Variants in PRDM16 observed in about 807,000 individuals in gnomAD.
PRDM16 encodes histone-lysine N-methyltransferase PRDM16.
In PRDM16, 23 loss-of-function variants were observed where a neutral mutation model predicts 110.6. The ratio of observed to expected loss-of-function variants is 0.21; its 90% CI spans 0.15 to 0.29. The LOEUF is 0.29. Among genes scored for constraint, PRDM16 ranks in the 10% least tolerant of loss-of-function variants. The pLI, the probability that PRDM16 is intolerant of heterozygous loss-of-function variation, is 1.00. For missense variants in PRDM16, 1,615 were observed against 1,794.3 expected (o/e 0.90, Z 1.81); for synonymous variants, 799 against 781.8 (o/e 1.02, Z -0.37).
intron 1 of PRDM16, among the ~76,000 whole-genome samples, chr1:3,123,395 G>T (rs1011226831): frequency 6.6e-6 from 1 of 152,268 alleles, no homozygotes; most frequent in Non-Finnish European, 1.5e-5. Context: ...CGTGCAGAGG[G>T]GGGTGTGGGT....
chr1:3,432,452 C>G (rs892971003), intron 16 of PRDM16, among the ~76,000 whole-genome samples: 2 of 152,202 alleles, frequency 1.3e-5, no homozygotes, highest in African/African-American at 4.8e-5. Flanking sequence ...GCCCGCCCAG[C>G]CGCCTTCGTC....
rs562707478 is a variant in PRDM16, at chr1:3,359,609, G to A, written c.439-25543G>A. 2.3e-4 allele frequency among the ~76,000 whole-genome samples: 35 copies of A among 152,258 alleles called. No homozygotes were observed. Among genetic ancestry groups the A allele is most frequent in the Non-Finnish European group, 3.2e-4 (22 of 68,018 alleles). ...TTCAGCCTCCCCTCCACCTGTCACC[G>A]TTGTTTATCCTCCTCAGCACTCACA... On this transcript the variant is annotated intron_variant, in intron 3 of 16. Transcript: ENST00000270722. This position sits in a 1 kb window ranked among gnomAD's most constrained non-coding sequence, Gnocchi z 4.3.
At chr1:3,427,994 C>T (rs983353159) in intron 14 of PRDM16, among the ~76,000 whole-genome samples, 9 of 152,206 alleles carry the variant, frequency 5.9e-5, no homozygotes, top group African/African-American at 1.7e-4. Flanking sequence ...CCCACAGCCC[C>T]GTCCCCAGGC....
intron 2 of PRDM16, among the ~76,000 whole-genome samples, chr1:3,196,479 C>A (rs1027986892): frequency 6.6e-6 from 1 of 152,232 alleles, no homozygotes; most frequent in Admixed American, 6.5e-5. Context: ...CCTTGTGGGG[C>A]CTGAGAATGC....
intron 3 of PRDM16, among the ~76,000 whole-genome samples, chr1:3,260,004 T>G (rs867720481): frequency 1.3e-5 from 2 of 152,234 alleles, no homozygotes; most frequent in Middle Eastern, 3.4e-3. Flanking sequence ...CCCCTGGTTT[T>G]CCAGCATCAC....
At chr1:3,321,303 T>C (rs1275948065) in intron 3 of PRDM16, among the ~76,000 whole-genome samples, 1 of 152,084 alleles carries the variant, frequency 6.6e-6, no homozygotes, top group East Asian at 1.9e-4. Context: ...CATATGTGAG[T>C]GTGTCCATTT....
chr1:3,410,672 CTG>C (rs1211109732), intron 8 of PRDM16, among the ~76,000 whole-genome samples: 3 of 152,174 alleles, frequency 2.0e-5, no homozygotes, highest in African/African-American at 4.8e-5. Context: ...ACTAGGAACA[CTG>C]TGAACTTCTA....
intron 3 of PRDM16, among the ~76,000 whole-genome samples, chr1:3,314,071 CG>C (rs747479644): frequency 0.011 from 1,063 of 100,346 alleles, 162 homozygotes; most frequent in African/African-American, 0.051. Flanking sequence ...CCTTCCCCAC[CG>C]GGGGGGGGGG....
intron 2 of PRDM16, among the ~76,000 whole-genome samples, chr1:3,196,129 C>T (rs1638468390): frequency 6.6e-6 from 1 of 151,828 alleles, no homozygotes; most frequent in African/African-American, 2.4e-5. Context: ...CAGCCAGGCT[C>T]TTGCCAGGTG....
intron 12 of PRDM16, among the ~76,000 whole-genome samples, chr1:3,422,694 G>C (rs1638473180): frequency 6.6e-6 from 1 of 152,254 alleles, no homozygotes; most frequent in East Asian, 1.9e-4. Context: ...GTCGGGTAGG[G>C]GGGCACCCAA....
rs1310848377 is a variant in PRDM16 at position 3,353,365 on chromosome 1, G to A, written c.439-31787G>A. Among the ~76,000 whole-genome samples the A allele has an allele frequency of 6.6e-6, 1 of 152,248 alleles. No homozygotes were observed. Among genetic ancestry groups the A allele is most frequent in the Non-Finnish European group, 1.5e-5 (1 of 68,048 alleles). ...ATGGCAGGGCCCTCATTGGGTGAGG[G>A]AGGCCCGGGGTATTTCTTGCCACAT... On this transcript the variant is annotated intron_variant, in intron 3 of 16. Coordinates refer to ENST00000270722, the MANE Select transcript of PRDM16 (RefSeq NM_022114.4). The surrounding 1 kb of genome is among the most constrained non-coding windows in gnomAD (Gnocchi z 5.4).
At chr1:3,271,516 C>CA (rs1297601754) in intron 3 of PRDM16, among the ~76,000 whole-genome samples, 1 of 152,188 alleles carries the variant, frequency 6.6e-6, no homozygotes, top group Non-Finnish European at 1.5e-5. Flanking sequence ...CTGCAGCGGA[C>CA]GTGGAAATTC....
chr1:3,356,226 C>T (rs1056380852), intron 3 of PRDM16, among the ~76,000 whole-genome samples: 1 of 152,212 alleles, frequency 6.6e-6, no homozygotes, highest in East Asian at 1.9e-4. Context: ...CTTGAGCAGG[C>T]CGACGTGTCT....
intron 3 of PRDM16, among the ~76,000 whole-genome samples, chr1:3,301,514 G>C (rs1259655645): frequency 6.6e-6 from 1 of 152,148 alleles, no homozygotes; most frequent in African/African-American, 2.4e-5. Context: ...GGTTGTCTTT[G>C]TATTTTTAAA....
chr1:3,249,536 T>C (rs1639877905), intron 3 of PRDM16, among the ~76,000 whole-genome samples: 1 of 133,830 alleles, frequency 7.5e-6, no homozygotes, highest in Non-Finnish European at 1.6e-5. Flanking sequence ...CCATGCACTT[T>C]ATTACCAAAA....
chr1:3,322,215 G>A (rs1358279787), intron 3 of PRDM16, among the ~76,000 whole-genome samples: 1 of 151,638 alleles, frequency 6.6e-6, no homozygotes, highest in Non-Finnish European at 1.5e-5. Flanking sequence ...GTGTGTGTGT[G>A]AGCATGTGCA....
intron 3 of PRDM16, among the ~76,000 whole-genome samples, chr1:3,365,235 C>T (rs79833039): frequency 0.022 from 3,358 of 152,260 alleles, 109 homozygotes; most frequent in African/African-American, 0.074. Flanking sequence ...CCTGTGCCGC[C>T]GTCCTCCTCT....
chr1:3,150,328 G>A (rs1643751665), intron 1 of PRDM16, among the ~76,000 whole-genome samples: 2 of 151,762 alleles, frequency 1.3e-5, no homozygotes, highest in South Asian at 4.2e-4. Context: ...GGCTAAGTTG[G>A]GCAGGTGACT....
At chr1:3,097,449 G>A (rs981734343) in intron 1 of PRDM16, among the ~76,000 whole-genome samples, 4 of 152,232 alleles carry the variant, frequency 2.6e-5, no homozygotes, top group African/African-American at 4.8e-5. Context: ...CTGACCTGGC[G>A]TCTCCCCGCA....
Sources: allele counts gnomAD v4.1 joint callset (sites outside exome capture counted in the v4.1 genomes callset), GRCh38; gene constraint gnomAD v4.1.1; non-coding constraint Gnocchi (gnomAD v3.1); transcripts MANE v1.5; gene names NCBI Gene and HGNC (gene_info 2026-07-23, HGNC 2026-07-21).